The following OLFM2 variants were observed in gnomAD, a reference collection of about 807,000 sequenced individuals.
The protein encoded by OLFM2 is noelin-2.
OLFM2 carries 20 observed loss-of-function variants against 43.9 expected under a neutral mutation model. The ratio of observed to expected loss-of-function variants is 0.46; its 90% confidence interval spans 0.32 to 0.66. The LOEUF is 0.66. OLFM2 is among the 30% of genes least tolerant of loss of function. The pLI is 0.04. For synonymous variants in OLFM2, 268 were observed against 278.6 expected (o/e 0.96, Z 0.38); for missense variants, 416 against 643.6 (o/e 0.65, Z 3.83).
intron 1 of OLFM2, among the ~76,000 whole-genome samples, chr19:9,924,293 C>A (rs373316992): frequency 4.0e-5 from 6 of 148,152 alleles, no homozygotes; most frequent in Admixed American, 2.8e-4. Flanking sequence ...GTAGTCCCAG[C>A]TATTCGGGAA....
At chr19:9,860,506 G>T in intron 2 of OLFM2, 139 bp downstream of exon 2, 1 of 826,192 alleles carries the variant, frequency 1.2e-6, no homozygotes, top group Non-Finnish European at 1.9e-6. Flanking sequence ...CCTGCCTGGA[G>T]AGGAGCTGGA....
intron 1 of OLFM2, among the ~76,000 whole-genome samples, chr19:9,931,438 C>T (rs2086481335): frequency 6.6e-6 from 1 of 152,080 alleles, no homozygotes; most frequent in Non-Finnish European, 1.5e-5. Context: ...CACGGTGGCT[C>T]ACGCCTGTAA....
chr19:9,857,569 C>T lies in OLFM2; in HGVS notation c.361-87G>A. The stretch of plus-strand genomic sequence containing the variant: ...CCAACCTCTGACTCATAACTTCACC[C>T]TTTGTCTTTGATGCACACCTGGCCC... On this transcript the variant is annotated intron_variant, in intron 3 of 5. Transcript: ENST00000264833. This position sits in a 1 kb window ranked among gnomAD's most constrained non-coding sequence, Gnocchi z 5.7. 1.3e-6 allele frequency: 2 copies of T among 1,562,608 alleles called. No individual in the cohort carries two copies. Among genetic ancestry groups the T allele is most frequent in the Non-Finnish European group, 1.8e-6 (2 of 1,142,110 alleles).
chr19:9,902,801 G>C (rs2046752295), intron 1 of OLFM2, among the ~76,000 whole-genome samples: 1 of 151,774 alleles, frequency 6.6e-6, no homozygotes, highest in Admixed American at 6.6e-5. Context: ...GACTTCCTGA[G>C]TAGCTGGGAT....
chr19:9,898,032 G>A (rs896398195), intron 1 of OLFM2, among the ~76,000 whole-genome samples: 22 of 150,562 alleles, frequency 1.5e-4, no homozygotes, highest in African/African-American at 5.3e-4. Context: ...AGCCTTCCAA[G>A]TAGCTGGGAC....
chr19:9,865,874 C>T (rs898350692), intron 1 of OLFM2, among the ~76,000 whole-genome samples: 2 of 151,784 alleles, frequency 1.3e-5, no homozygotes, highest in African/African-American at 4.8e-5. Context: ...GCATCCCTGC[C>T]CCTCCTCCCC....
intron 1 of OLFM2, among the ~76,000 whole-genome samples, chr19:9,931,885 T>C (rs1009536742): frequency 6.6e-6 from 1 of 152,146 alleles, no homozygotes; most frequent in East Asian, 1.9e-4. Flanking sequence ...ATGGATTTTC[T>C]TGGTGCCTTC....
intron 1 of OLFM2, among the ~76,000 whole-genome samples, chr19:9,893,428 G>A (rs1241395377): frequency 6.6e-6 from 1 of 152,120 alleles, no homozygotes; most frequent in Non-Finnish European, 1.5e-5. Flanking sequence ...ACCTCCCAAA[G>A]TGCTGGGATT....
chr19:9,914,112 TC>T (rs1241344152), intron 1 of OLFM2, among the ~76,000 whole-genome samples: 3 of 151,076 alleles, frequency 2.0e-5, no homozygotes, highest in African/African-American at 7.3e-5. Context: ...TAGGCGGTGT[TC>T]CCGGACCGCC....
At position 9,931,145 on chromosome 19, in the gene OLFM2, G is replaced by A. The variant is rs149097783; in HGVS notation, c.63+5159C>T. Among the ~76,000 whole-genome samples the A allele has an allele frequency of 2.6e-5, 4 of 152,176 alleles. No individual in the cohort carries two copies. In the East Asian group the frequency reaches 7.7e-4, roughly 29 times the overall value. ...AATTTCCTTTTACTTCCCTCCACTG[G>A]GACATTTACATGCTCTAAAGGAGCC... is the stretch of plus-strand genomic sequence containing the variant. On this transcript the variant is annotated intron_variant, in intron 1 of 5. Coordinates refer to ENST00000264833, the MANE Select transcript of OLFM2 (RefSeq NM_058164.4).
chr19:9,856,457 A>C lies in OLFM2; in HGVS notation c.687+350T>G, dbSNP rs2046318423. Among the ~76,000 whole-genome samples the C allele has an allele frequency of 6.6e-6, 1 of 152,250 alleles. No individual in the cohort carries two copies. Among genetic ancestry groups the C allele is most frequent in the African/African-American group, 2.4e-5 (1 of 41,470 alleles). ...AGTCATGACCATGGAAGCTACTAGAAGTCCGAAGGTCACTGAGCAGTGCTT... is the reference window on the plus strand; with the variant it reads ...AGTCATGACCATGGAAGCTACTAGACGTCCGAAGGTCACTGAGCAGTGCTT... On this transcript the variant is annotated intron_variant, in intron 5 of 5. Transcript: ENST00000264833. The surrounding 1 kb of genome is among the most constrained non-coding windows in gnomAD (Gnocchi z 4.0).
chr19:9,875,488 G>C (rs1378676630), intron 1 of OLFM2, among the ~76,000 whole-genome samples: 1 of 150,648 alleles, frequency 6.6e-6, no homozygotes, highest in African/African-American at 2.4e-5. Context: ...GCAGGGGCCT[G>C]GCCGGGGATG....
intron 5 of OLFM2, among the ~76,000 whole-genome samples, chr19:9,855,925 G>A (rs1568365542): frequency 6.6e-6 from 1 of 152,164 alleles, no homozygotes; most frequent in Non-Finnish European, 1.5e-5. Flanking sequence ...ACTGGGCCCA[G>A]GAATTCCCTG....
At chr19:9,930,731 A>C (rs1254681482) in intron 1 of OLFM2, among the ~76,000 whole-genome samples, 3 of 151,662 alleles carry the variant, frequency 2.0e-5, no homozygotes, top group Non-Finnish European at 4.4e-5. Context: ...CTGTGCGCCT[A>C]TAATCCCAGC....
chr19:9,891,430 G>C (rs1198194347), intron 1 of OLFM2, among the ~76,000 whole-genome samples: 2 of 151,668 alleles, frequency 1.3e-5, no homozygotes, highest in Non-Finnish European at 1.5e-5. Flanking sequence ...TTCGAGACCA[G>C]CCTGGCCAAC....
At chr19:9,893,620 A>G (rs775143369) in intron 1 of OLFM2, among the ~76,000 whole-genome samples, 2 of 152,130 alleles carry the variant, frequency 1.3e-5, no homozygotes, top group African/African-American at 2.4e-5. Context: ...TGAGGATTTC[A>G]TGGCAGAAAT....
intron 1 of OLFM2, among the ~76,000 whole-genome samples, chr19:9,864,122 C>A (rs572901972): frequency 1.3e-5 from 2 of 152,214 alleles, no homozygotes; most frequent in Non-Finnish European, 2.9e-5. Context: ...ATACACCCAG[C>A]AATCCTCAGA....
At chr19:9,899,462 C>G (rs1265349489) in intron 1 of OLFM2, among the ~76,000 whole-genome samples, 1 of 152,120 alleles carries the variant, frequency 6.6e-6, no homozygotes, top group Non-Finnish European at 1.5e-5. Context: ...CTCCCTGGCT[C>G]CTTCTCAATC....
intron 2 of OLFM2, among the ~76,000 whole-genome samples, chr19:9,858,823 ACT>A (rs2046344315): frequency 6.6e-6 from 1 of 151,882 alleles, no homozygotes; most frequent in Non-Finnish European, 1.5e-5. Flanking sequence ...GCTTAAGTAG[ACT>A]CTCACCTGGC....
Sources: allele counts gnomAD v4.1 joint callset (sites outside exome capture counted in the v4.1 genomes callset), GRCh38; gene constraint gnomAD v4.1.1; non-coding constraint Gnocchi (gnomAD v3.1); transcripts MANE v1.5; gene names NCBI Gene and HGNC (gene_info 2026-07-23, HGNC 2026-07-21).